Variants in TSHZ2 observed in about 807,000 individuals in gnomAD.
The protein encoded by TSHZ2 is teashirt homolog 2.
TSHZ2 carries 21 observed loss-of-function variants against 74.4 expected under a neutral mutation model. The observed-to-expected ratio is 0.28, with a 90% CI of 0.20 to 0.41. The LOEUF is 0.41. TSHZ2 is among the 10% of genes least tolerant of loss of function. The probability of loss-of-function intolerance (pLI) is 1.00; values close to 1 mark genes in which losing one functional copy is unlikely to be tolerated. For missense variants in TSHZ2, 1,244 were observed against 1,293.5 expected (o/e 0.96, Z 0.59); for synonymous variants, 540 against 515.3 (o/e 1.05, Z -0.65).
intron 1 of TSHZ2, among the ~76,000 whole-genome samples, chr20:53,001,226 G>GTTTA (rs1555813608): frequency 6.8e-6 from 1 of 146,720 alleles, no homozygotes; most frequent in Non-Finnish European, 1.5e-5. Context: ...GTGTGTGTGT[G>GTTTA]TGTGTGTGTG....
intron 1 of TSHZ2, among the ~76,000 whole-genome samples, chr20:53,125,078 C>G (rs1437907393): frequency 6.6e-6 from 1 of 152,160 alleles, no homozygotes; most frequent in East Asian, 1.9e-4. Flanking sequence ...GGCCAATTTA[C>G]TCAACCTCTT....
chr20:53,101,708 G>A (rs1382900336), intron 1 of TSHZ2, among the ~76,000 whole-genome samples: 2 of 152,054 alleles, frequency 1.3e-5, no homozygotes, highest in African/African-American at 2.4e-5. Context: ...AATATACTTT[G>A]AAATTTGAAA....
chr20:53,189,712 C>T (rs1288751633), intron 1 of TSHZ2, among the ~76,000 whole-genome samples: 1 of 152,038 alleles, frequency 6.6e-6, no homozygotes, highest in Non-Finnish European at 1.5e-5. Flanking sequence ...AAAGCAACTG[C>T]TCAGGAAATA....
chr20:53,001,734 A>G (rs940620491), intron 1 of TSHZ2, among the ~76,000 whole-genome samples: 1 of 151,798 alleles, frequency 6.6e-6, no homozygotes, highest in African/African-American at 2.4e-5. Flanking sequence ...TGCACAACTA[A>G]AACACTTGTT....
intron 2 of TSHZ2, among the ~76,000 whole-genome samples, chr20:53,358,736 T>C (rs1325686118): frequency 6.6e-6 from 1 of 152,260 alleles, no homozygotes; most frequent in Admixed American, 6.5e-5. Context: ...AAGTTAGATT[T>C]ATTTGGAGAA....
intron 2 of TSHZ2, among the ~76,000 whole-genome samples, chr20:53,294,829 A>G (rs1991344492): frequency 6.6e-6 from 1 of 152,124 alleles, no homozygotes; most frequent in Non-Finnish European, 1.5e-5. Context: ...CTTATTTCTC[A>G]AGTTTCCCTT....
At chr20:53,443,968 G>C (rs954416459) in intron 2 of TSHZ2, among the ~76,000 whole-genome samples, 3 of 152,198 alleles carry the variant, frequency 2.0e-5, no homozygotes, top group African/African-American at 7.2e-5. Flanking sequence ...CATCAACACT[G>C]AAGAGAGGTT....
intron 2 of TSHZ2, among the ~76,000 whole-genome samples, chr20:53,433,922 G>A (rs58742549): frequency 0.045 from 6,862 of 152,272 alleles, 321 homozygotes; most frequent in African/African-American, 0.12. Context: ...AGGCTGGAGT[G>A]CAGTGGTGCA....
intron 1 of TSHZ2, among the ~76,000 whole-genome samples, chr20:53,192,901 G>C (rs1988772577): frequency 6.6e-6 from 1 of 152,202 alleles, no homozygotes; most frequent in Non-Finnish European, 1.5e-5. Context: ...AGATTCCTCA[G>C]GTTGAGATAG....
At chr20:53,094,581 C>T (rs1272808276) in intron 1 of TSHZ2, among the ~76,000 whole-genome samples, 3 of 152,220 alleles carry the variant, frequency 2.0e-5, no homozygotes, top group Non-Finnish European at 4.4e-5. Context: ...ATGGTAAACT[C>T]ATGGGCCTTT....
At chr20:52,984,569 GGGGAGGGTGAGCA>G (rs1417893578) in intron 1 of TSHZ2, among the ~76,000 whole-genome samples, 1 of 152,154 alleles carries the variant, frequency 6.6e-6, no homozygotes, top group East Asian at 1.9e-4. Flanking sequence ...CGGAGCAGAC[GGGGAGGGTGAGCA>G]GGGAGGGTAA....
rs377304863 is a variant in TSHZ2, at chr20:53,455,630, G to A, written c.*9-31514G>A. ...CACATTGTGCAGGTTAGTTACATAC[G>A]TATACATGTGCCATGCTGGTGTGCT... is the stretch of plus-strand genomic sequence containing the variant. On this transcript the variant is annotated intron_variant, in intron 2 of 2. Transcript: ENST00000371497. 4.2e-3 allele frequency among the ~76,000 whole-genome samples: 612 copies of A among 147,008 alleles called. 2 individuals are homozygous for A. Among genetic ancestry groups the A allele is most frequent in the South Asian group, 0.039 (175 of 4,482 alleles).
intron 1 of TSHZ2, among the ~76,000 whole-genome samples, chr20:53,181,458 C>G (rs925725397): frequency 6.6e-6 from 1 of 152,184 alleles, no homozygotes; most frequent in Non-Finnish European, 1.5e-5. Context: ...AGTTCAGCAT[C>G]TCTCTTGAAA....
intron 1 of TSHZ2, among the ~76,000 whole-genome samples, chr20:53,173,298 G>A (rs1312374740): frequency 1.3e-5 from 2 of 152,206 alleles, no homozygotes; most frequent in Non-Finnish European, 2.9e-5. Flanking sequence ...TAAAATGCTA[G>A]GTAAGTATTT....
At chr20:53,233,296 T>C (rs1568826024) in intron 1 of TSHZ2, among the ~76,000 whole-genome samples, 1 of 152,224 alleles carries the variant, frequency 6.6e-6, no homozygotes, top group Non-Finnish European at 1.5e-5. Context: ...TCATGGAGTG[T>C]AAATGGCAGA....
chr20:53,299,502 C>T (rs1412494384), intron 2 of TSHZ2, among the ~76,000 whole-genome samples: 1 of 152,186 alleles, frequency 6.6e-6, no homozygotes, highest in East Asian at 1.9e-4. Flanking sequence ...GCTCTCTTTA[C>T]TTATTTTGTC....
chr20:53,463,969 C>T (rs6022493), intron 2 of TSHZ2, among the ~76,000 whole-genome samples: 59,617 of 152,126 alleles, frequency 0.39, 11,906 homozygotes, highest in African/African-American at 0.46. Flanking sequence ...CCCATTATTA[C>T]CGCCATCATT....
intron 1 of TSHZ2, among the ~76,000 whole-genome samples, chr20:53,125,764 T>C (rs951223008): frequency 6.6e-6 from 1 of 152,180 alleles, no homozygotes; most frequent in African/African-American, 2.4e-5. Flanking sequence ...TGTGATGCAG[T>C]TGTAGATGAG....
At chr20:53,270,162 C>T (rs73911240) in intron 2 of TSHZ2, among the ~76,000 whole-genome samples, 1,793 of 152,004 alleles carry the variant, frequency 0.012, 43 homozygotes, top group African/African-American at 0.041. Context: ...CTTGTTTTCC[C>T]CTCTAATAGA....
Sources: gnomAD v4.1 joint callset for allele counts (sites outside exome capture counted in the v4.1 genomes callset) on GRCh38, gnomAD v4.1.1 for gene constraint, MANE v1.5 for transcripts, NCBI Gene and HGNC (gene_info 2026-07-23, HGNC 2026-07-21) for gene names.